LUC7L2: variants seen among roughly 807,000 people sequenced by gnomAD.
LUC7L2 encodes the protein LUC7 like 2, pre-mRNA splicing factor, also known as putative RNA-binding protein Luc7-like 2.
In LUC7L2, 25 loss-of-function variants were observed where a neutral mutation model predicts 52.8. The observed-to-expected ratio is 0.47, with a 90% CI of 0.34 to 0.66. The LOEUF (loss-of-function observed/expected upper bound fraction) is 0.66. Ranked by LOEUF, LUC7L2 falls within the 30% of genes least tolerant of loss-of-function variation. The pLI, the probability that LUC7L2 is intolerant of heterozygous loss-of-function variation, is 0.01. For synonymous variants in LUC7L2, 144 were observed against 160.9 expected, an observed-to-expected ratio of 0.89 and a Z score of 0.80; for missense variants, 328 against 497.8, an observed-to-expected ratio of 0.66 and a Z score of 3.25.
At chr7:139,354,891 C>G (rs1319826045) in intron 1 of LUC7L2, among the ~76,000 whole-genome samples, 3 of 149,656 alleles carry the variant, frequency 2.0e-5, no homozygotes, top group African/African-American at 5.0e-5. Context: ...GGGTCTTGCT[C>G]TGTTGTCCAG....
chr7:139,340,540 G>C, intron 1 of LUC7L2: 1 of 398,440 alleles, frequency 2.5e-6, no homozygotes, highest in African/African-American at 2.1e-5. Flanking sequence ...GCGCGGTGAT[G>C]TGGACTTTTG....
At chr7:139,377,445 GT>G (rs1371296237) in intron 2 of LUC7L2, among the ~76,000 whole-genome samples, 4 of 152,166 alleles carry the variant, frequency 2.6e-5, no homozygotes, top group African/African-American at 9.6e-5. Context: ...CCAAGCTGGA[GT>G]GCGGTGGCAT....
Position 139,350,411 on chromosome 7 carries a change from GCACCCAGC to G in LUC7L2, c.-26+9899_-26+9906del. Among the ~76,000 whole-genome samples, 7 of 151,934 alleles carry G rather than the reference GCACCCAGC, an allele frequency of 4.6e-5. No homozygotes were observed. In the East Asian group the frequency reaches 1.4e-3, roughly 29 times the overall value. On this transcript the variant is annotated intron_variant, in intron 1 of 10. Coordinates refer to the LUC7L2 transcript ENST00000541170. The stretch of plus-strand genomic sequence containing the variant: ...GCTAGGATTACAGGTGTGAGCCACT[GCACCCAGC>G]CACCTTATCTTGTTAGTAATCCATG...
intron 2 of LUC7L2, among the ~76,000 whole-genome samples, chr7:139,397,371 A>G (rs1228355890): frequency 6.6e-6 from 1 of 152,196 alleles, no homozygotes; most frequent in African/African-American, 2.4e-5. Flanking sequence ...ATTTTATTAC[A>G]TCATCTGACT....
rs189011690 is a variant in LUC7L2 at position 139,393,925 on chromosome 7, A to G, written c.157-4674A>G. On this transcript the variant is annotated intron_variant, in intron 2 of 9. Transcript: ENST00000354926. ...AACCACTGAGGATATTCCACATACA[A>G]AAAAGCCTTCTTTATTATAATTAGG... 2.0e-4 allele frequency among the ~76,000 whole-genome samples: 30 copies of G among 152,300 alleles called. No individual in the cohort carries two copies. In the East Asian group the frequency reaches 5.6e-3, roughly 28 times the overall value.
intron 1 of LUC7L2, chr7:139,363,203 G>A: frequency 1.0e-6 from 1 of 985,420 alleles, no homozygotes; most frequent in Non-Finnish European, 1.2e-6. Flanking sequence ...CCGCCTGTGT[G>A]CCACTGAAAA....
At chr7:139,363,583 A>G (rs1040520142) in intron 1 of LUC7L2, among the ~76,000 whole-genome samples, 3 of 152,260 alleles carry the variant, frequency 2.0e-5, no homozygotes, top group Admixed American at 2.0e-4. Context: ...GAAAGGAGCT[A>G]TAAGTAGATA....
intron 9 of LUC7L2, among the ~76,000 whole-genome samples, chr7:139,418,615 G>T (rs1170466859): frequency 4.7e-5 from 7 of 150,208 alleles, no homozygotes; most frequent in African/African-American, 7.4e-5. Context: ...ATTTTTTTTT[G>T]ACTCAACTTT....
intron 1 of LUC7L2, chr7:139,341,421 G>A (rs771832282): frequency 6.2e-7 from 1 of 1,613,458 alleles, no homozygotes; most frequent in Non-Finnish European, 8.5e-7. Flanking sequence ...CACTTTTCGA[G>A]GACTTCTGCG....
At chr7:139,366,026 C>T (rs1204068865) in intron 1 of LUC7L2, among the ~76,000 whole-genome samples, 1 of 152,198 alleles carries the variant, frequency 6.6e-6, no homozygotes, top group African/African-American at 2.4e-5. Context: ...TGTGAAAACT[C>T]TGAAATCATC....
chr7:139,394,157 C>T (rs1794563447), intron 2 of LUC7L2, among the ~76,000 whole-genome samples: 1 of 152,206 alleles, frequency 6.6e-6, no homozygotes, highest in South Asian at 2.1e-4. Context: ...AACCTCCCTC[C>T]AGAAGCTCAG....
chr7:139,375,975 C>T (rs1800687273), intron 1 of LUC7L2, 87 bp from the exon 2 acceptor site: 2 of 1,367,072 alleles, frequency 1.5e-6, no homozygotes, highest in Non-Finnish European at 2.0e-6. Context: ...TATATAGCCA[C>T]ACATAAAAAG....
chr7:139,352,723 A>G (rs1799493688), intron 1 of LUC7L2, among the ~76,000 whole-genome samples: 1 of 152,184 alleles, frequency 6.6e-6, no homozygotes, highest in African/African-American at 2.4e-5. Context: ...AGTGTTAGAG[A>G]TACAAATATG....
At chr7:139,385,726 C>T (rs1794167571) in intron 2 of LUC7L2, among the ~76,000 whole-genome samples, 1 of 152,176 alleles carries the variant, frequency 6.6e-6, no homozygotes, top group Non-Finnish European at 1.5e-5. Flanking sequence ...TAGTCTAGTA[C>T]TGGTTAATAT....
intron 1 of LUC7L2, chr7:139,371,494 G>C (rs1468376655): frequency 1.5e-6 from 2 of 1,374,952 alleles, no homozygotes; most frequent in Non-Finnish European, 1.9e-6. Flanking sequence ...TTTTAAAATA[G>C]CACCTAAATC....
chr7:139,422,089 A>G, intron 9 of LUC7L2, 74 bp from the exon 10 acceptor site: 2 of 1,512,536 alleles, frequency 1.3e-6, no homozygotes, highest in East Asian at 2.4e-5. Flanking sequence ...CAAGAGCTTA[A>G]TATTTATCCT....
intron 1 of LUC7L2, chr7:139,345,369 G>GTAT: frequency 7.4e-7 from 1 of 1,348,598 alleles, no homozygotes; most frequent in East Asian, 2.5e-5. Flanking sequence ...AAGTATACAT[G>GTAT]TATATACATA....
intron 1 of LUC7L2, among the ~76,000 whole-genome samples, chr7:139,372,651 T>C (rs542094244): frequency 6.6e-6 from 1 of 152,262 alleles, no homozygotes; most frequent in African/African-American, 2.4e-5. Flanking sequence ...TCCATTAATA[T>C]ATCCTCGGCC....
rs116219456 is a variant in LUC7L2, at chr7:139,386,965, A to G, written c.156+10809A>G. Among the ~76,000 whole-genome samples, 741 of 151,806 alleles carry G rather than the reference A, an allele frequency of 4.9e-3. 8 individuals carry two copies. Among genetic ancestry groups the G allele is most frequent in the African/African-American group, 0.017 (701 of 41,366 alleles). On this transcript the variant is annotated intron_variant, in intron 2 of 9. Transcript: ENST00000354926. ...AGCGATTCTCCTGCCTCATCCTTTC[A>G]AGTAGCTGGATTACAGGCACGTGCC...
Sources: allele counts gnomAD v4.1 joint callset (sites outside exome capture counted in the v4.1 genomes callset), GRCh38; gene constraint gnomAD v4.1.1; transcripts MANE v1.5; gene names NCBI Gene and HGNC (gene_info 2026-07-23, HGNC 2026-07-21).